SYN3: variants seen among roughly 807,000 people sequenced by gnomAD.
The protein encoded by SYN3 is synapsin-3.
Under a neutral mutation model 65.8 loss-of-function variants are expected in SYN3, and 35 were observed. The observed-to-expected ratio is 0.53, with a 90% CI of 0.41 to 0.70. SYN3 has a LOEUF of 0.70. Among genes scored for constraint, SYN3 ranks in the 30% least tolerant of loss-of-function variants. The pLI, the probability that SYN3 is intolerant of heterozygous loss-of-function variation, is 0.00. For synonymous variants in SYN3, 270 were observed against 292.9 expected (o/e 0.92, Z 0.80); for missense variants, 680 against 749.0 (o/e 0.91, Z 1.08).
intron 6 of SYN3, among the ~76,000 whole-genome samples, chr22:32,701,841 A>C (rs754013726): frequency 6.6e-6 from 1 of 152,214 alleles, no homozygotes; most frequent in Non-Finnish European, 1.5e-5. Flanking sequence ...AGGGGAGTAC[A>C]GAAAAAATTA....
intron 10 of SYN3, among the ~76,000 whole-genome samples, chr22:32,532,599 T>C (rs1311137391): frequency 3.0e-5 from 1 of 33,268 alleles, no homozygotes; most frequent in Non-Finnish European, 5.1e-5. Context: ...GCTGTGTTCA[T>C]CCTGGACTCC....
intron 1 of SYN3, among the ~76,000 whole-genome samples, chr22:33,049,193 C>T (rs958219707): frequency 6.6e-6 from 1 of 152,200 alleles, no homozygotes; most frequent in Admixed American, 6.5e-5. Context: ...TTAGCTTCCT[C>T]TAATTTACTC....
chr22:32,605,074 A>G (rs1431879456), intron 6 of SYN3, among the ~76,000 whole-genome samples: 2 of 150,362 alleles, frequency 1.3e-5, no homozygotes, highest in Non-Finnish European at 3.0e-5. Context: ...TCCACTCCCC[A>G]TAGGTGGTCT....
chr22:32,710,078 C>T (rs1332456803), intron 6 of SYN3, among the ~76,000 whole-genome samples: 1 of 82,962 alleles, frequency 1.2e-5, no homozygotes, highest in Admixed American at 1.3e-4. Context: ...TATATATGCA[C>T]ACACACACAC....
At chr22:32,994,243 G>C (rs57827180) in intron 2 of SYN3, among the ~76,000 whole-genome samples, 3 of 152,226 alleles carry the variant, frequency 2.0e-5, no homozygotes, top group East Asian at 3.9e-4. Flanking sequence ...CCAGGCGACG[G>C]GGTAGGCTGC....
rs544497977 is a variant in SYN3 at position 32,537,405 on chromosome 22, C to T, written c.992+631G>A. 1.6e-4 allele frequency among the ~76,000 whole-genome samples: 25 copies of T among 152,160 alleles called. 1 individual carries two copies. The highest frequency in any genetic ancestry group is 3.1e-4 in the African/African-American group (13 of 41,510). ...AACTCCTGGCCTCAGGTGATCTGCCCGCCTCGGCCTCCCAAAATGCTGGGA... is the reference window on the plus strand; with the variant it reads ...AACTCCTGGCCTCAGGTGATCTGCCTGCCTCGGCCTCCCAAAATGCTGGGA... On this transcript the variant is annotated intron_variant, in intron 9 of 13. Coordinates refer to ENST00000358763, the MANE Select transcript of SYN3 (RefSeq NM_003490.4).
At position 32,528,801 on chromosome 22, in the gene SYN3, A is replaced by G; in HGVS notation, c.1230+73T>C. On this transcript the variant is annotated intron_variant, in intron 11 of 13. Coordinates refer to ENST00000358763, the MANE Select transcript of SYN3 (RefSeq NM_003490.4). Reference sequence around the variant, plus strand: ...TCCTGGGGGTATCCCCTTTGGATCCAGGGGCTCCCCATTTCCAGACAGCCT... The same window carrying G: ...TCCTGGGGGTATCCCCTTTGGATCCGGGGGCTCCCCATTTCCAGACAGCCT... 7 of 1,594,202 alleles carry G rather than the reference A, an allele frequency of 4.4e-6. No individual in the cohort carries two copies. The Middle Eastern group carries it at 6.6e-4, about 151-fold the overall frequency.
At chr22:32,691,694 A>C (rs1985114442) in intron 6 of SYN3, among the ~76,000 whole-genome samples, 1 of 151,856 alleles carries the variant, frequency 6.6e-6, no homozygotes, top group African/African-American at 2.4e-5. Flanking sequence ...CTGCCTTCAG[A>C]ATCTTGTGAG....
chr22:32,792,298 G>A (rs1234814195), intron 6 of SYN3, among the ~76,000 whole-genome samples: 1 of 152,154 alleles, frequency 6.6e-6, no homozygotes. Context: ...CCTCCCTGTT[G>A]GGCTGCCTTC....
chr22:33,013,913 T>G (rs2053408648), intron 1 of SYN3, among the ~76,000 whole-genome samples: 1 of 152,012 alleles, frequency 6.6e-6, no homozygotes, highest in Non-Finnish European at 1.5e-5. Context: ...CCCTCCTTTT[T>G]TTTTGGTCTG....
chr22:32,789,602 A>T (rs932816063), intron 6 of SYN3, among the ~76,000 whole-genome samples: 2 of 152,232 alleles, frequency 1.3e-5, no homozygotes, highest in Non-Finnish European at 2.9e-5. Flanking sequence ...GAGAATTATT[A>T]GTACTTAAAT....
At chr22:32,803,152 G>A (rs1282916616) in intron 6 of SYN3, among the ~76,000 whole-genome samples, 6 of 152,054 alleles carry the variant, frequency 3.9e-5, no homozygotes, top group South Asian at 2.1e-4. Flanking sequence ...TGCTGGGAGA[G>A]TGTGTGTGTG....
intron 6 of SYN3, among the ~76,000 whole-genome samples, chr22:32,624,463 T>G (rs1260097512): frequency 6.6e-6 from 1 of 152,216 alleles, no homozygotes; most frequent in Non-Finnish European, 1.5e-5. Flanking sequence ...TCATTGGTAG[T>G]CATTTACCGG....
At chr22:32,636,795 A>G (rs9621513) in intron 6 of SYN3, among the ~76,000 whole-genome samples, 41,746 of 152,136 alleles carry the variant, frequency 0.27, 8,784 homozygotes, top group African/African-American at 0.58. Flanking sequence ...TTCATTTGCT[A>G]TATGATCCTG....
intron 7 of SYN3, among the ~76,000 whole-genome samples, chr22:32,558,064 C>T (rs2058528950): frequency 6.6e-6 from 1 of 152,184 alleles, no homozygotes. Flanking sequence ...GCCTATTCCA[C>T]TAGACTATGA....
Position 32,869,689 on chromosome 22 carries a change from G to GTT in SYN3, c.462-565_462-564insAA, listed in dbSNP as rs1288480674. Among the ~76,000 whole-genome samples the GTT allele has an allele frequency of 3.3e-3, 391 of 118,394 alleles. 7 individuals carry two copies. The highest frequency in any genetic ancestry group is 5.2e-3 in the Non-Finnish European group (307 of 58,958). The allele number at this position is 118,394 out of a possible 152,430, so 77.7% of individuals were successfully genotyped here. A position where few individuals can be genotyped will look rare whatever the true frequency, so the allele number is the denominator to read the frequency against. ...GATCTCAAATCAACCAACACATCTTGGTTTTTTTTTTTTTTTTTTTTTTCA... is the reference window on the plus strand; with the variant it reads ...GATCTCAAATCAACCAACACATCTTGTTGTTTTTTTTTTTTTTTTTTTTTTCA... On this transcript the variant is annotated intron_variant, in intron 4 of 13. Coordinates refer to ENST00000358763, the MANE Select transcript of SYN3 (RefSeq NM_003490.4).
At chr22:32,662,193 T>A (rs1173753658) in intron 6 of SYN3, among the ~76,000 whole-genome samples, 1 of 152,306 alleles carries the variant, frequency 6.6e-6, no homozygotes, top group East Asian at 1.9e-4. Flanking sequence ...CTCCTACCTC[T>A]GCAACGTCTC....
Position 32,508,057 on chromosome 22 carries a change from T to G in SYN3, c.*5635A>C, listed in dbSNP as rs1480607306. On this transcript the variant is annotated 3_prime_UTR_variant, in exon 14 of 14. Transcript: ENST00000358763. Reference sequence around the variant, plus strand: ...TTTTGTTTTATTTTTCTTATTAATATAAGAAGGCAGGAATGTCAGGCCTCT... The same window carrying G: ...TTTTGTTTTATTTTTCTTATTAATAGAAGAAGGCAGGAATGTCAGGCCTCT... Among the ~76,000 whole-genome samples the G allele has an allele frequency of 2.0e-5, 3 of 152,146 alleles. No individual in the cohort carries two copies. In the East Asian group the frequency reaches 5.8e-4, roughly 29 times the overall value.
intron 6 of SYN3, among the ~76,000 whole-genome samples, chr22:32,699,616 T>A (rs1031821725): frequency 6.6e-6 from 1 of 152,070 alleles, no homozygotes; most frequent in Non-Finnish European, 1.5e-5. Context: ...CGGGGCCCAA[T>A]TTGTTTACCT....
Sources: gnomAD v4.1 joint callset for allele counts (sites outside exome capture counted in the v4.1 genomes callset) on GRCh38, gnomAD v4.1.1 for gene constraint, MANE v1.5 for transcripts, NCBI Gene and HGNC (gene_info 2026-07-23, HGNC 2026-07-21) for gene names.